Variants in STS observed in about 807,000 individuals in gnomAD.
STS encodes the protein steryl-sulfatase.
STS carries 7 observed loss-of-function variants against 26.8 expected under a neutral mutation model. That is an observed-to-expected ratio of 0.26 (90% CI 0.15 to 0.49). STS has a LOEUF of 0.49. STS is among the 20% of genes least tolerant of loss of function. The probability of loss-of-function intolerance (pLI) is 0.98; values close to 1 mark genes in which losing one functional copy is unlikely to be tolerated. For synonymous variants in STS, 199 were observed against 189.4 expected (o/e 1.05, Z -0.42); for missense variants, 434 against 465.6 (o/e 0.93, Z 0.63).
At position 7,350,796 on chromosome X, in the gene STS, G is replaced by A. The variant is rs1928763882; in HGVS notation, c.*535G>A. On this transcript the variant is annotated 3_prime_UTR_variant, in exon 11 of 11. Coordinates refer to ENST00000674429, the MANE Select transcript of STS (RefSeq NM_001320752.2). ...ATCTTCTTTAGGAATAATAGATGAT[G>A]GTAAGTTCCACTTTGGTTATTGGAA... 1 of 114,697 alleles carries A rather than the reference G, an allele frequency of 8.7e-6. No individual in the cohort carries two copies. Among genetic ancestry groups the A allele is most frequent in the African/African-American group, 3.2e-5 (1 of 30,937 alleles). 9.5% of individuals were successfully genotyped at this position (114,697 alleles called of 1,213,427 possible). A position where few individuals can be genotyped will look rare whatever the true frequency, so the allele number is the denominator to read the frequency against.
chrX:7,279,311 A>ATG (rs532132394), intron 7 of STS, among the ~76,000 whole-genome samples: 1,679 of 78,035 alleles, frequency 0.022, 45 homozygotes, highest in African/African-American at 0.059. Context: ...ATATATATAT[A>ATG]TGTGTGTGTG....
In STS at chrX:7,168,446, C is replaced by T. The variant is rs1933395475; in HGVS notation, c.-134+20363C>T. ...ACATAATTGAATATTTTATTCTTGT[C>T]ATGACAAAGTCTCCTGCAATGCATC... On this transcript the variant is annotated intron_variant, in intron 1 of 10. Coordinates refer to ENST00000674429, the MANE Select transcript of STS (RefSeq NM_001320752.2). Among the ~76,000 whole-genome samples, 4 of 111,922 alleles carry T rather than the reference C, an allele frequency of 3.6e-5. No individual in the cohort carries two copies. In the South Asian group the frequency reaches 1.5e-3, roughly 42 times the overall value.
intron 10 of STS, among the ~76,000 whole-genome samples, chrX:7,343,726 TTCTC>T (rs1307579044): frequency 1.8e-5 from 2 of 111,361 alleles, no homozygotes; most frequent in Non-Finnish European, 3.8e-5. Context: ...AGCTAGTGCG[TTCTC>T]TCTCTCTCTT....
chrX:7,330,921 A>C (rs890910317), intron 9 of STS, among the ~76,000 whole-genome samples: 9 of 112,404 alleles, frequency 8.0e-5, no homozygotes, highest in Non-Finnish European at 1.7e-4. Flanking sequence ...TCTCCTAAAG[A>C]TGTTTCCTTA....
intron 1 of STS, among the ~76,000 whole-genome samples, chrX:7,167,880 T>C (rs774730898): frequency 2.1e-4 from 23 of 109,339 alleles, no homozygotes; most frequent in African/African-American, 7.7e-4. Context: ...TTTTTGTAGA[T>C]ACAGGGTCTT....
At chrX:7,209,432 TATATA>T (rs1193307011) in intron 2 of STS, among the ~76,000 whole-genome samples, 1 of 106,124 alleles carries the variant, frequency 9.4e-6, no homozygotes, top group Non-Finnish European at 1.9e-5. Flanking sequence ...TACTTACTAT[TATATA>T]GTATAAATGT....
chrX:7,267,888 G>A (rs1428249475), intron 6 of STS, among the ~76,000 whole-genome samples: 1 of 111,866 alleles, frequency 8.9e-6, no homozygotes, highest in Non-Finnish European at 1.9e-5. Flanking sequence ...GCTCAATGTA[G>A]GATAACTCTT....
intron 6 of STS, among the ~76,000 whole-genome samples, chrX:7,275,546 G>A (rs1421039520): frequency 9.0e-6 from 1 of 111,490 alleles, no homozygotes; most frequent in African/African-American, 3.3e-5. Context: ...GTGTATTTGT[G>A]TATAAATTTT....
chrX:7,326,246 G>T (rs1927465620), intron 9 of STS, among the ~76,000 whole-genome samples: 1 of 111,279 alleles, frequency 9.0e-6, no homozygotes, highest in African/African-American at 3.3e-5. Context: ...CTTACTGGTG[G>T]GTTTGCCAAT....
intron 6 of STS, among the ~76,000 whole-genome samples, chrX:7,274,192 G>A (rs1288469499): frequency 7.2e-5 from 8 of 111,612 alleles, no homozygotes; most frequent in Non-Finnish European, 1.3e-4. Context: ...AATCTGAAGT[G>A]TAGTTATTTA....
intron 10 of STS, among the ~76,000 whole-genome samples, chrX:7,343,152 T>G (rs1306679972): frequency 9.0e-6 from 1 of 111,528 alleles, no homozygotes; most frequent in Non-Finnish European, 1.9e-5. Flanking sequence ...TGTGTATACC[T>G]TCTATGATAT....
At chrX:7,310,047 TA>T (rs1185649090) in intron 8 of STS, among the ~76,000 whole-genome samples, 1 of 112,253 alleles carries the variant, frequency 8.9e-6, no homozygotes, top group Non-Finnish European at 1.9e-5. Flanking sequence ...GTCAACCTAA[TA>T]AAACCAATTT....
At chrX:7,162,285 G>T (rs774562477) in intron 1 of STS, among the ~76,000 whole-genome samples, 4 of 111,825 alleles carry the variant, frequency 3.6e-5, no homozygotes, top group Non-Finnish European at 5.6e-5. Flanking sequence ...CAGAAGTCCA[G>T]TCTCACCTCA....
intron 1 of STS, among the ~76,000 whole-genome samples, chrX:7,181,496 A>G (rs1933679727): frequency 8.9e-6 from 1 of 111,922 alleles, no homozygotes; most frequent in South Asian, 3.8e-4. Flanking sequence ...GTCAGGAGAA[A>G]CACCCTCAGA....
At chrX:7,230,370 T>G (rs1922005307) in intron 2 of STS, among the ~76,000 whole-genome samples, 2 of 111,492 alleles carry the variant, frequency 1.8e-5, no homozygotes, top group Admixed American at 1.9e-4. Flanking sequence ...CCAAAAGAAT[T>G]GAAAATGGGT....
At chrX:7,182,156 G>A (rs757557515) in intron 1 of STS, among the ~76,000 whole-genome samples, 4 of 111,602 alleles carry the variant, frequency 3.6e-5, no homozygotes, top group South Asian at 3.8e-4. Context: ...CAAGCATCCC[G>A]CGATATTGGC....
intron 6 of STS, among the ~76,000 whole-genome samples, chrX:7,269,050 C>T (rs1924145876): frequency 9.5e-6 from 1 of 104,728 alleles, no homozygotes; most frequent in South Asian, 4.6e-4. Flanking sequence ...ACTCAGGAAG[C>T]TGAGGTGGGA....
At chrX:7,228,573 G>T (rs1268165810) in intron 2 of STS, among the ~76,000 whole-genome samples, 2 of 111,562 alleles carry the variant, frequency 1.8e-5, no homozygotes, top group Non-Finnish European at 3.8e-5. Flanking sequence ...TTTTAATTGG[G>T]TTATTTGTAG....
intron 1 of STS, among the ~76,000 whole-genome samples, chrX:7,158,711 G>T (rs1459744195): frequency 9.0e-6 from 1 of 111,546 alleles, no homozygotes; most frequent in East Asian, 2.8e-4. Context: ...TGGGGGTAGG[G>T]TGGGGAGAAA....
Sources: allele counts gnomAD v4.1 joint callset (sites outside exome capture counted in the v4.1 genomes callset), GRCh38; gene constraint gnomAD v4.1.1; transcripts MANE v1.5; gene names NCBI Gene and HGNC (gene_info 2026-07-23, HGNC 2026-07-21).